The following DMXL2 variants were observed in gnomAD, a reference collection of about 807,000 sequenced individuals.
The protein encoded by DMXL2 is dmX-like protein 2.
Under a neutral mutation model 331.1 loss-of-function variants are expected in DMXL2, and 103 were observed. That is an observed-to-expected ratio of 0.31 (90% confidence interval 0.27 to 0.37). The LOEUF is 0.37. Among genes scored for constraint, DMXL2 ranks in the 10% least tolerant of loss-of-function variants. DMXL2 has a pLI of 1.00. For missense variants in DMXL2, 3,171 were observed against 3,642.9 expected, an observed-to-expected ratio of 0.87 and a Z score of 3.33; for synonymous variants, 1,281 against 1,252.1, an observed-to-expected ratio of 1.02 and a Z score of -0.49.
intron 1 of DMXL2, 71 bp from the exon 2 acceptor site, chr15:51,576,252 AT>A: frequency 8.7e-7 from 1 of 1,148,510 alleles, no homozygotes; most frequent in Non-Finnish European, 1.2e-6. Flanking sequence ...ATTACATACT[AT>A]TTTATCTTAG....
chr15:51,541,682 A>C (rs78129532), intron 9 of DMXL2, among the ~76,000 whole-genome samples: 1,725 of 152,260 alleles, frequency 0.011, 27 homozygotes, highest in East Asian at 0.024. Context: ...ACTTTATATA[A>C]AACTTTATAT....
chr15:51,465,099 A>G (rs2040453796), intron 31 of DMXL2, among the ~76,000 whole-genome samples: 1 of 152,194 alleles, frequency 6.6e-6, no homozygotes. Context: ...GATATAAACT[A>G]AAGTATTAGA....
chr15:51,453,790 G>T, intron 40 of DMXL2, 149 bp from the exon 41 acceptor site: 2 of 627,422 alleles, frequency 3.2e-6, no homozygotes, highest in South Asian at 4.0e-5. Context: ...ATAAGTGATA[G>T]TATGAGGCTT....
chr15:51,466,306 A>G lies in DMXL2; in HGVS notation c.7398T>C (p.Phe2466=). ...TAACACCACTATCAGACAAAGGAAG[A>G]AATGGCTGCAATAAAAGGTAAAATT... The part of the protein sequence containing the change: ...SMWDYFVAKP[F]LPLSDSGVIY... Residue 2466 remains phenylalanine (F), a synonymous_variant, in exon 30 of 44, where the codon TTT becomes TTC. Transcript: ENST00000560891. 1 of 1,360,910 alleles carries G rather than the reference A, an allele frequency of 7.3e-7. No homozygotes were observed. The highest frequency in any genetic ancestry group is 2.0e-5 in the South Asian group (1 of 49,862). 84.3% of individuals were successfully genotyped at this position (1,360,910 alleles called of 1,614,324 possible). A position where few individuals can be genotyped will look rare whatever the true frequency, so the allele number is the denominator to read the frequency against.
At position 51,457,460 on chromosome 15, in the gene DMXL2, A is replaced by G. The variant is rs766772630; in HGVS notation, c.8205T>C (p.Asp2735=). The change falls in exon 37 of 44, where the codon GAT becomes GAC. Residue 2735 remains aspartate, a synonymous_variant. Transcript: ENST00000560891. ...EEYDRESKSS[D]DVDYRGSTTT... is the part of the protein sequence containing the mutation. ...TAGTGGAACCACGATAATCAACATC[A>G]TCTGAACTGTGAAAAACATTCATGT... The G allele has an allele frequency of 1.9e-5, 30 of 1,614,022 alleles. No individual in the cohort carries two copies. Among genetic ancestry groups the G allele is most frequent in the Non-Finnish European group, 2.5e-5 (30 of 1,179,954 alleles).
At chr15:51,451,282 CAA>C (rs1291106659) in intron 42 of DMXL2, among the ~76,000 whole-genome samples, 2 of 152,062 alleles carry the variant, frequency 1.3e-5, no homozygotes, top group Non-Finnish European at 2.9e-5. Flanking sequence ...GAAAAAAAGA[CAA>C]AAAGTATTTT....
At chr15:51,512,479 T>C (rs1468816406) in intron 15 of DMXL2, among the ~76,000 whole-genome samples, 1 of 152,156 alleles carries the variant, frequency 6.6e-6, no homozygotes, top group Non-Finnish European at 1.5e-5. Flanking sequence ...GAAACGCATA[T>C]GGAAGTGAAA....
intron 1 of DMXL2, among the ~76,000 whole-genome samples, chr15:51,577,234 T>C (rs941996030): frequency 5.3e-5 from 8 of 151,992 alleles, no homozygotes; most frequent in African/African-American, 9.7e-5. Context: ...ACCTACAAAA[T>C]AGAGATATCC....
chr15:51,474,444 C>T lies in DMXL2; in HGVS notation c.7113G>A (p.Arg2371=). 6.2e-7 allele frequency: 1 copy of T among 1,614,152 alleles called. No individual in the cohort carries two copies. The highest frequency in any genetic ancestry group is 8.5e-7 in the Non-Finnish European group (1 of 1,179,998). ...GATTATTTAATGGGTGGGCTGCAAG[C>T]CGAAATAATTCACTGGAGGAATTTG... ...LATNSSSELF[R]LAAHPLNNRM... is the part of the protein sequence containing the mutation. The change falls in exon 28 of 44, where the codon CGG becomes CGA. Residue 2371 remains arginine (R), a synonymous_variant. Transcript: ENST00000560891.
At chr15:51,516,744 G>T (rs1268128481) in intron 14 of DMXL2, among the ~76,000 whole-genome samples, 1 of 152,178 alleles carries the variant, frequency 6.6e-6, no homozygotes, top group Non-Finnish European at 1.5e-5. Flanking sequence ...CACCCAAGTA[G>T]TGTACACTGT....
chr15:51,486,302 G>T lies in DMXL2; in HGVS notation c.5253C>A (p.Ala1751=), dbSNP rs762712965. ...ATTCATATAAACGGGCAATAACCAT[G>T]GCTAGCTGAATATCTTCCATTTTTT... The part of the protein sequence containing the change: ...CLEKMEDIQL[A]MVIARLYESE... Residue 1751 remains alanine, a synonymous_variant, in exon 23 of 44, where the codon GCC becomes GCA. Transcript: ENST00000560891. The T allele has an allele frequency of 5.0e-6, 8 of 1,599,256 alleles. No individual in the cohort carries two copies. Among genetic ancestry groups the T allele is most frequent in the Non-Finnish European group, 6.9e-6 (8 of 1,167,752 alleles).
intron 6 of DMXL2, 64 bp from the exon 7 acceptor site, chr15:51,547,472 T>A: frequency 1.6e-6 from 2 of 1,218,910 alleles, no homozygotes; most frequent in Non-Finnish European, 2.2e-6. Context: ...TTTAAGTGGT[T>A]TGAAGAAGTT....
chr15:51,522,538 G>A (rs964419193), intron 13 of DMXL2, among the ~76,000 whole-genome samples: 2 of 152,202 alleles, frequency 1.3e-5, no homozygotes, highest in South Asian at 2.1e-4. Context: ...CAGCTACTCA[G>A]GAGGCTGAGG....
At chr15:51,568,762 T>C (rs1049443674) in intron 2 of DMXL2, among the ~76,000 whole-genome samples, 7 of 152,134 alleles carry the variant, frequency 4.6e-5, no homozygotes, top group Non-Finnish European at 1.0e-4. Context: ...TTATTTTACA[T>C]ATCATATACA....
intron 6 of DMXL2, among the ~76,000 whole-genome samples, chr15:51,560,504 C>CAAAAA (rs66990182): frequency 4.8e-5 from 2 of 41,522 alleles, no homozygotes; most frequent in South Asian, 1.1e-3. Flanking sequence ...TTATTTCTAC[C>CAAAAA]AAAAAAAAAA....
chr15:51,458,467 T>C (rs1304232467), intron 36 of DMXL2, 39 bp downstream of exon 36: 1 of 1,601,032 alleles, frequency 6.2e-7, no homozygotes, highest in Non-Finnish European at 8.5e-7. Flanking sequence ...TGGGTACTTC[T>C]TACAGAAAAC....
At chr15:51,550,819 G>A (rs533316844) in intron 6 of DMXL2, among the ~76,000 whole-genome samples, 1 of 152,164 alleles carries the variant, frequency 6.6e-6, no homozygotes, top group African/African-American at 2.4e-5. Context: ...AGGCTCTTTA[G>A]TAAGTAAGGC....
At position 51,502,929 on chromosome 15, in the gene DMXL2, G is replaced by A. The variant is rs1454452235; in HGVS notation, c.2869C>T (p.His957Tyr). The A allele has an allele frequency of 1.9e-6, 3 of 1,614,096 alleles. No homozygotes were observed. Among genetic ancestry groups the A allele is most frequent in the Admixed American group, 3.3e-5 (2 of 60,028 alleles). The change falls in exon 17 of 44, where the codon CAT becomes TAT. Residue 957 changes from histidine (H) to tyrosine (Y), a missense_variant. Physicochemically the swap from His to Tyr is moderately conservative, Grantham distance 83 (BLOSUM62 2). Transcript: ENST00000560891. ...TGAAGATTGGCAATTGATGAAGAATGTGGCATGGGGCTCACACTAGGAGAG... is the reference window on the plus strand; with the variant it reads ...TGAAGATTGGCAATTGATGAAGAATATGGCATGGGGCTCACACTAGGAGAG... ...ETSPSVSPMP[H>Y]SSSIANLQTA...
intron 6 of DMXL2, among the ~76,000 whole-genome samples, chr15:51,550,912 T>C (rs115182492): frequency 0.02 from 3,019 of 152,176 alleles, 102 homozygotes; most frequent in African/African-American, 0.068. Flanking sequence ...AAAATAGATC[T>C]TACCAGCCAA....
Sources: allele counts gnomAD v4.1 joint callset (sites outside exome capture counted in the v4.1 genomes callset), GRCh38; gene constraint gnomAD v4.1.1; transcripts MANE v1.5; gene names NCBI Gene and HGNC (gene_info 2026-07-23, HGNC 2026-07-21).